The following KCNN2 variants were observed in gnomAD, a reference collection of about 807,000 sequenced individuals.
The protein encoded by KCNN2 is small conductance calcium-activated potassium channel protein 2.
KCNN2 carries 24 observed loss-of-function variants against 55.5 expected under a neutral mutation model. The observed-to-expected ratio is 0.43, with a 90% CI of 0.31 to 0.61. The LOEUF is 0.61. KCNN2 is among the 20% of genes least tolerant of loss of function. The probability of loss-of-function intolerance (pLI) is 0.08; values close to 1 mark genes in which losing one functional copy is unlikely to be tolerated. For missense variants in KCNN2, 754 were observed against 853.6 expected (o/e 0.88, Z 1.45); for synonymous variants, 431 against 336.1 (o/e 1.28, Z -3.09).
chr5:114,072,199 G>A (rs1580484092), intron 1 of KCNN2, among the ~76,000 whole-genome samples: 2 of 152,040 alleles, frequency 1.3e-5, no homozygotes, highest in East Asian at 3.9e-4. Context: ...GGCTGAGGCA[G>A]AAGAATTGCT....
In KCNN2 at chr5:114,195,820, T is replaced by C. The variant is rs531526694; in HGVS notation, c.-270-25660T>C. ...TCACCATTAAATATGATATTAGCCG[T>C]AGGTTTTTTGTAGATGCCTTATATC... On this transcript the variant is annotated intron_variant, in intron 1 of 10. Coordinates refer to the KCNN2 transcript ENST00000512097. Among the ~76,000 whole-genome samples the C allele has an allele frequency of 2.6e-5, 4 of 152,176 alleles. No homozygotes were observed. In the South Asian group the frequency reaches 8.3e-4, roughly 31 times the overall value.
chr5:114,300,658 A>G (rs1004151265), intron 2 of KCNN2, among the ~76,000 whole-genome samples: 4 of 152,344 alleles, frequency 2.6e-5, no homozygotes, highest in Non-Finnish European at 5.9e-5. Flanking sequence ...TTTTGTTGTA[A>G]TGGATTATAT....
chr5:114,096,718 C>G (rs11949770), intron 1 of KCNN2, among the ~76,000 whole-genome samples: 1 of 152,092 alleles, frequency 6.6e-6, no homozygotes, highest in Admixed American at 6.6e-5. Flanking sequence ...CTCTTCCCCA[C>G]AGGCTTCATT....
intron 1 of KCNN2, among the ~76,000 whole-genome samples, chr5:114,133,753 C>G (rs187500563): frequency 6.6e-6 from 1 of 152,290 alleles, no homozygotes; most frequent in East Asian, 1.9e-4. Context: ...TTACTGAAAA[C>G]AAATGTTAAC....
At chr5:114,273,873 T>A (rs919394619) in intron 2 of KCNN2, among the ~76,000 whole-genome samples, 1 of 152,260 alleles carries the variant, frequency 6.6e-6, no homozygotes, top group African/African-American at 2.4e-5. Context: ...TTTGTCAATT[T>A]TGGCTTTTGT....
intron 7 of KCNN2, among the ~76,000 whole-genome samples, chr5:114,494,932 G>C (rs75426266): frequency 8.8e-4 from 134 of 152,250 alleles, no homozygotes; most frequent in African/African-American, 3.1e-3. Flanking sequence ...GGGAAATGCA[G>C]TAGGAGGGAC....
chr5:114,493,581 A>T, intron 7 of KCNN2, 109 bp downstream of exon 7: 2 of 761,316 alleles, frequency 2.6e-6, no homozygotes, highest in Non-Finnish European at 4.6e-6. Flanking sequence ...CTAATTAATA[A>T]ATCAAACCAG....
At chr5:114,098,828 C>T (rs889593267) in intron 1 of KCNN2, among the ~76,000 whole-genome samples, 1 of 151,954 alleles carries the variant, frequency 6.6e-6, no homozygotes, top group Non-Finnish European at 1.5e-5. Flanking sequence ...TATGGGGGTA[C>T]CAGTGGCATT....
intron 2 of KCNN2, among the ~76,000 whole-genome samples, chr5:114,286,317 C>G (rs1165550693): frequency 6.6e-6 from 1 of 152,074 alleles, no homozygotes. Context: ...CCCTTGGTAT[C>G]AGAGAAGCAG....
At chr5:114,290,006 C>G (rs1263455721) in intron 2 of KCNN2, among the ~76,000 whole-genome samples, 1 of 152,068 alleles carries the variant, frequency 6.6e-6, no homozygotes, top group Non-Finnish European at 1.5e-5. Flanking sequence ...CTGTGTTTTG[C>G]TCTTGTACCC....
chr5:114,257,050 G>C (rs1237654350), intron 2 of KCNN2, among the ~76,000 whole-genome samples: 2 of 147,434 alleles, frequency 1.4e-5, no homozygotes, highest in Non-Finnish European at 3.0e-5. Flanking sequence ...TGGTGAGATA[G>C]AGGTCCACTT....
intron 1 of KCNN2, among the ~76,000 whole-genome samples, chr5:114,160,435 A>G (rs890462905): frequency 1.7e-4 from 26 of 152,262 alleles, no homozygotes; most frequent in Non-Finnish European, 3.4e-4. Flanking sequence ...TATGTGGTCA[A>G]TTTTGGAATA....
At chr5:114,059,522 A>G (rs914348235) in intron 1 of KCNN2, among the ~76,000 whole-genome samples, 4 of 152,186 alleles carry the variant, frequency 2.6e-5, no homozygotes, top group Non-Finnish European at 4.4e-5. Flanking sequence ...TCCCCTAGCA[A>G]AGTATAAGGA....
chr5:114,060,082 A>G (rs1011212648), intron 1 of KCNN2, among the ~76,000 whole-genome samples: 1 of 152,224 alleles, frequency 6.6e-6, no homozygotes, highest in Non-Finnish European at 1.5e-5. Context: ...TCCCTTGTGA[A>G]ATCTCATTTA....
At chr5:114,195,120 G>A (rs982006641) in intron 1 of KCNN2, among the ~76,000 whole-genome samples, 22 of 151,596 alleles carry the variant, frequency 1.5e-4, no homozygotes, top group Non-Finnish European at 1.5e-5. Context: ...AAATAAAAAA[G>A]TGTGAGTCTT....
intron 2 of KCNN2, among the ~76,000 whole-genome samples, chr5:114,369,281 A>G (rs1488982086): frequency 6.6e-6 from 1 of 152,224 alleles, no homozygotes; most frequent in Non-Finnish European, 1.5e-5. Flanking sequence ...GTTTAAAGAC[A>G]AAGCTCAAGG....
chr5:114,379,684 CAT>C (rs1213298292), intron 2 of KCNN2, among the ~76,000 whole-genome samples: 4 of 96,168 alleles, frequency 4.2e-5, no homozygotes, highest in Non-Finnish European at 7.4e-5. Flanking sequence ...TATTATATAA[CAT>C]ATTATATATT....
intron 5 of KCNN2, among the ~76,000 whole-genome samples, chr5:114,476,707 C>T (rs1412135743): frequency 6.6e-6 from 1 of 152,074 alleles, no homozygotes; most frequent in Non-Finnish European, 1.5e-5. Flanking sequence ...AGGCGTGAGC[C>T]ACCGCACCTG....
At chr5:114,396,738 G>A (rs1279551083) in intron 2 of KCNN2, among the ~76,000 whole-genome samples, 1 of 151,900 alleles carries the variant, frequency 6.6e-6, no homozygotes, top group Non-Finnish European at 1.5e-5. Flanking sequence ...TTAGAGATGG[G>A]GTTTCATCAT....
Sources: gnomAD v4.1 joint callset for allele counts (sites outside exome capture counted in the v4.1 genomes callset) on GRCh38, gnomAD v4.1.1 for gene constraint, MANE v1.5 for transcripts, NCBI Gene and HGNC (gene_info 2026-07-23, HGNC 2026-07-21) for gene names.